POLDIP3: variants seen among roughly 807,000 people sequenced by gnomAD.
The protein encoded by POLDIP3 is DNA polymerase delta interacting protein 3, also known as polymerase delta-interacting protein 3.
In POLDIP3, 14 loss-of-function variants were observed where a neutral mutation model predicts 45.1. The ratio of observed to expected loss-of-function variants is 0.31; its 90% CI spans 0.20 to 0.49. The LOEUF (loss-of-function observed/expected upper bound fraction) is 0.49, where lower values mean the gene tolerates loss of function less well. Ranked by LOEUF, POLDIP3 falls within the 20% of genes least tolerant of loss-of-function variation. The pLI is 0.99. For missense variants in POLDIP3, 511 were observed against 538.8 expected (o/e 0.95, Z 0.51); for synonymous variants, 223 against 205.2 (o/e 1.09, Z -0.74).
At chr22:42,600,705 C>T (rs1310713691) in intron 3 of POLDIP3, among the ~76,000 whole-genome samples, 1 of 152,050 alleles carries the variant, frequency 6.6e-6, no homozygotes, top group Non-Finnish European at 1.5e-5. Context: ...CACAGTGGCT[C>T]ACGCCTGTAA....
At chr22:42,592,154 G>A (rs1925706098) in intron 6 of POLDIP3, 70 bp from the exon 7 acceptor site, 3 of 1,593,360 alleles carry the variant, frequency 1.9e-6, no homozygotes, top group Non-Finnish European at 1.7e-6. Flanking sequence ...CACTCTGAAG[G>A]CCCTGGGGTG....
At chr22:42,599,820 A>T (rs1347961525) in intron 3 of POLDIP3, 27 bp from the exon 4 acceptor site, 1 of 1,536,814 alleles carries the variant, frequency 6.5e-7, no homozygotes, top group Non-Finnish European at 9.0e-7. Context: ...AAGAAATATA[A>T]GCAAATGTGG....
intron 1 of POLDIP3, among the ~76,000 whole-genome samples, chr22:42,604,270 T>C (rs531818753): frequency 2.0e-5 from 3 of 152,054 alleles, no homozygotes; most frequent in Non-Finnish European, 4.4e-5. Flanking sequence ...CTTTTTTCTC[T>C]CCCTACCCTG....
At position 42,596,172 on chromosome 22, in the gene POLDIP3, C is replaced by G. The variant is rs1925972756; in HGVS notation, c.813+14G>C. 1.2e-6 allele frequency: 2 copies of G among 1,613,152 alleles called. No homozygotes were observed. The highest frequency in any genetic ancestry group is 8.5e-7 in the Non-Finnish European group (1 of 1,179,540). ...TCCTGACCCCAACTGCTGCAGTCAC[C>G]ACCATCACCTCACCTCAGCAGCTGG... On this transcript the variant is annotated intron_variant, in intron 5 of 8. Transcript: ENST00000252115.
intron 8 of POLDIP3, 77 bp from the exon 9 acceptor site, chr22:42,586,045 C>T: frequency 2.2e-6 from 3 of 1,387,350 alleles, no homozygotes; most frequent in Admixed American, 2.3e-5. Flanking sequence ...ATTTACTGGG[C>T]ATCTGTCATG....
intron 1 of POLDIP3, among the ~76,000 whole-genome samples, chr22:42,613,828 C>A (rs1448340109): frequency 6.6e-6 from 1 of 152,164 alleles, no homozygotes; most frequent in African/African-American, 2.4e-5. Flanking sequence ...CAATATCTAA[C>A]ATATTTACAT....
chr22:42,598,099 T>C (rs916924407), intron 4 of POLDIP3, among the ~76,000 whole-genome samples: 2 of 150,120 alleles, frequency 1.3e-5, no homozygotes, highest in African/African-American at 4.9e-5. Context: ...TCTTTTTTTT[T>C]TGAGACAGAG....
At chr22:42,597,834 G>A in intron 4 of POLDIP3, 4 of 439,196 alleles carry the variant, frequency 9.1e-6, no homozygotes, top group South Asian at 5.0e-5. Flanking sequence ...AGGCTGGAGT[G>A]CAGTGGCGCA....
At chr22:42,590,545 A>G (rs978075561) in intron 7 of POLDIP3, among the ~76,000 whole-genome samples, 1 of 146,950 alleles carries the variant, frequency 6.8e-6, no homozygotes, top group African/African-American at 2.7e-5. Context: ...AAACGTAGAA[A>G]AAATACAGTA....
At chr22:42,606,833 A>G (rs1926759863) in intron 1 of POLDIP3, among the ~76,000 whole-genome samples, 1 of 152,244 alleles carries the variant, frequency 6.6e-6, no homozygotes, top group Non-Finnish European at 1.5e-5. Context: ...CTCAGAACCA[A>G]GGAGATTAAC....
intron 8 of POLDIP3, among the ~76,000 whole-genome samples, chr22:42,587,150 G>T (rs895300597): frequency 5.9e-5 from 9 of 152,134 alleles, no homozygotes; most frequent in African/African-American, 1.9e-4. Context: ...ATAAGGGGTA[G>T]CATCTGGCAC....
At chr22:42,599,425 G>A (rs1926204964) in intron 4 of POLDIP3, among the ~76,000 whole-genome samples, 1 of 152,214 alleles carries the variant, frequency 6.6e-6, no homozygotes, top group African/African-American at 2.4e-5. Context: ...CCAACATGGT[G>A]AAACCTCATC....
At chr22:42,589,599 C>G (rs187766179) in intron 7 of POLDIP3, among the ~76,000 whole-genome samples, 12 of 152,212 alleles carry the variant, frequency 7.9e-5, no homozygotes, top group African/African-American at 2.9e-4. Flanking sequence ...CACTTGAGGT[C>G]AGGACTTCAA....
At chr22:42,590,562 T>C (rs1470248536) in intron 7 of POLDIP3, among the ~76,000 whole-genome samples, 4 of 152,172 alleles carry the variant, frequency 2.6e-5, no homozygotes. Flanking sequence ...AGTAAAAATA[T>C]GGTATTATAA....
chr22:42,614,681 CT>C, intron 1 of POLDIP3, 117 bp downstream of exon 1: 1 of 1,139,124 alleles, frequency 8.8e-7, no homozygotes, highest in Non-Finnish European at 1.3e-6. Context: ...AGGAGCGCGG[CT>C]GTGGTCGGGG....
intron 2 of POLDIP3, 64 bp downstream of exon 2, chr22:42,602,706 C>T (rs1045375583): frequency 6.6e-7 from 1 of 1,522,382 alleles, no homozygotes; most frequent in Non-Finnish European, 8.8e-7. Flanking sequence ...CTCCTGGCAC[C>T]TTGCCTCTAA....
At chr22:42,586,739 A>G (rs1004081681) in intron 8 of POLDIP3, among the ~76,000 whole-genome samples, 1 of 152,064 alleles carries the variant, frequency 6.6e-6, no homozygotes, top group Non-Finnish European at 1.5e-5. Flanking sequence ...TTAAATCTCA[A>G]AGTCTATTTC....
chr22:42,587,684 T>G, intron 7 of POLDIP3, 112 bp from the exon 8 acceptor site: 2 of 1,008,986 alleles, frequency 2.0e-6, no homozygotes, highest in Non-Finnish European at 3.1e-6. Context: ...CACTGGCAGT[T>G]CTGGCTCCAC....
chr22:42,602,068 C>G lies in POLDIP3; in HGVS notation c.451-12G>C. ...TTCTGCTGTGGAACCTGGAAACACTCAGTGGTCAGAATCCACCCCACAGGG... is the reference window on the plus strand; with the variant it reads ...TTCTGCTGTGGAACCTGGAAACACTGAGTGGTCAGAATCCACCCCACAGGG... On this transcript the variant is annotated splice_polypyrimidine_tract_variant and intron_variant, in intron 2 of 8. Transcript: ENST00000252115. 6.2e-7 allele frequency: 1 copy of G among 1,614,068 alleles called. No homozygotes were observed. Among genetic ancestry groups the G allele is most frequent in the Non-Finnish European group, 8.5e-7 (1 of 1,179,994 alleles).
Sources: gnomAD v4.1 joint callset for allele counts (sites outside exome capture counted in the v4.1 genomes callset) on GRCh38, gnomAD v4.1.1 for gene constraint, MANE v1.5 for transcripts, NCBI Gene and HGNC (gene_info 2026-07-23, HGNC 2026-07-21) for gene names.